Variants in PCDH15 observed in about 807,000 individuals in gnomAD.
PCDH15 encodes protocadherin related 15.
Under a neutral mutation model 178.5 loss-of-function variants are expected in PCDH15, and 129 were observed. The observed-to-expected ratio is 0.72, with a 90% CI of 0.63 to 0.84. PCDH15 has a LOEUF of 0.84. Among genes scored for constraint, PCDH15 ranks in the 40% least tolerant of loss-of-function variants. The pLI, the probability that PCDH15 is intolerant of heterozygous loss-of-function variation, is 0.00. For missense variants in PCDH15, 2,230 were observed against 2,099.9 expected (o/e 1.06, Z -1.21); for synonymous variants, 800 against 732.0 (o/e 1.09, Z -1.50).
Position 53,828,207 on chromosome 10 carries a change from C to CAAAAA in PCDH15, c.4211+353_4211+357dup, listed in dbSNP as rs71004480. ...GCCAACAAGAGCAAAAAGTCCGTCTCAAAAAAAAAAAAAAAAAAAAAAAAA... is the reference window on the plus strand; with the variant it reads ...GCCAACAAGAGCAAAAAGTCCGTCTCAAAAAAAAAAAAAAAAAAAAAAAAAAAAAA... On this transcript the variant is annotated intron_variant, in intron 31 of 37. Coordinates refer to ENST00000644397, the MANE Select transcript of PCDH15 (RefSeq NM_001384140.1). Among the ~76,000 whole-genome samples the CAAAAA allele has an allele frequency of 1.9e-3, 100 of 53,756 alleles. 1 individual carries two copies. The highest frequency in any genetic ancestry group is 6.6e-3 in the African/African-American group (92 of 13,876). The allele number at this position is 53,756 out of a possible 152,430, so 35.3% of individuals were successfully genotyped here.
intron 2 of PCDH15, among the ~76,000 whole-genome samples, chr10:54,899,290 T>A (rs947963236): frequency 6.6e-6 from 1 of 152,162 alleles, no homozygotes; most frequent in African/African-American, 2.4e-5. Flanking sequence ...TTTATCTTAA[T>A]ATTTCAAATT....
intron 2 of PCDH15, among the ~76,000 whole-genome samples, chr10:54,533,749 A>C (rs995969574): frequency 1.3e-5 from 2 of 152,170 alleles, no homozygotes; most frequent in African/African-American, 4.8e-5. Context: ...TAATCATTTA[A>C]TTTATTTGCT....
chr10:54,789,359 T>C (rs774936474), intron 1 of PCDH15, among the ~76,000 whole-genome samples: 1 of 151,922 alleles, frequency 6.6e-6, no homozygotes, highest in African/African-American at 2.4e-5. Flanking sequence ...CAGCTTATTC[T>C]TTCCTCCTGC....
Position 53,820,811 on chromosome 10 carries a change from C to T in PCDH15, c.4368-581G>A, listed in dbSNP as rs1044077199. 9.9e-5 allele frequency among the ~76,000 whole-genome samples: 15 copies of T among 152,066 alleles called. No individual in the cohort carries two copies. In the East Asian group the frequency reaches 2.5e-3, roughly 25 times the overall value. Reference sequence around the variant, plus strand: ...ACAATTGGAGCGCTAAGAACTATTACTACAACTACAGAAATCTCTTCCCAG... The same window carrying T: ...ACAATTGGAGCGCTAAGAACTATTATTACAACTACAGAAATCTCTTCCCAG... On this transcript the variant is annotated intron_variant, in intron 32 of 37. Transcript: ENST00000644397.
chr10:53,944,096 C>T (rs1434591933), intron 23 of PCDH15, among the ~76,000 whole-genome samples: 1 of 151,700 alleles, frequency 6.6e-6, no homozygotes, highest in Admixed American at 6.6e-5. Context: ...ATAAAATGGG[C>T]TGAATATAAA....
chr10:55,100,848 G>T (rs887675889), intron 2 of PCDH15, among the ~76,000 whole-genome samples: 2 of 152,046 alleles, frequency 1.3e-5, no homozygotes, highest in African/African-American at 4.8e-5. Flanking sequence ...TAGCATTAAA[G>T]TTCTCCCTTC....
intron 32 of PCDH15, chr10:53,822,342 AATGT>A: frequency 6.3e-7 from 1 of 1,590,108 alleles, no homozygotes; most frequent in African/African-American, 1.3e-5. Context: ...AAGTGGAAAA[AATGT>A]AGGAGGAGGA....
chr10:54,331,343 A>C (rs1939517988), intron 6 of PCDH15, among the ~76,000 whole-genome samples: 1 of 152,034 alleles, frequency 6.6e-6, no homozygotes, highest in Non-Finnish European at 1.5e-5. Context: ...CAGAATTAAT[A>C]TATATTTTTA....
intron 2 of PCDH15, among the ~76,000 whole-genome samples, chr10:55,397,076 G>T (rs1048232391): frequency 6.6e-6 from 1 of 152,128 alleles, no homozygotes; most frequent in African/African-American, 2.4e-5. Context: ...TTCAAAATGA[G>T]ACTGCTATGT....
intron 8 of PCDH15, among the ~76,000 whole-genome samples, chr10:54,268,623 G>T (rs2057848479): frequency 6.6e-6 from 1 of 151,838 alleles, no homozygotes; most frequent in African/African-American, 2.4e-5. Context: ...ACATGGATGT[G>T]CCTGGATGCC....
chr10:54,401,393 A>G (rs1485094190), intron 3 of PCDH15, among the ~76,000 whole-genome samples: 1 of 151,918 alleles, frequency 6.6e-6, no homozygotes, highest in East Asian at 1.9e-4. Context: ...GGTTAAGTAT[A>G]TTTTCAATGT....
chr10:54,181,398 C>G (rs938725385), intron 13 of PCDH15, among the ~76,000 whole-genome samples: 7 of 152,028 alleles, frequency 4.6e-5, no homozygotes, highest in African/African-American at 1.4e-4. Context: ...ATAATTTTAA[C>G]TTTTATTTCA....
At chr10:55,145,881 G>C (rs1243979266) in intron 2 of PCDH15, among the ~76,000 whole-genome samples, 2 of 151,246 alleles carry the variant, frequency 1.3e-5, no homozygotes, top group Non-Finnish European at 3.0e-5. Flanking sequence ...ACTCTTGACT[G>C]TAAGTCACCC....
At chr10:54,158,791 T>C (rs917380704) in intron 13 of PCDH15, among the ~76,000 whole-genome samples, 1 of 152,296 alleles carries the variant, frequency 6.6e-6, no homozygotes, top group South Asian at 2.1e-4. Context: ...GTATTTTATA[T>C]GAATAAATAT....
intron 1 of PCDH15, among the ~76,000 whole-genome samples, chr10:55,227,936 T>A (rs1841099838): frequency 6.6e-6 from 1 of 152,032 alleles, no homozygotes; most frequent in South Asian, 2.1e-4. Flanking sequence ...AGCCCCCCCA[T>A]CCCCAACTCC....
chr10:54,345,801 CAAAAAAAAAAAAAAAAAA>C (rs540507383), intron 6 of PCDH15, among the ~76,000 whole-genome samples: 8 of 52,464 alleles, frequency 1.5e-4, no homozygotes, highest in East Asian at 1.1e-3. Context: ...GACTCCGTCT[CAAAAAAAAAAAAAAAAAA>C]AAAAAAAAAA....
At chr10:54,347,767 T>C (rs1943536946) in intron 5 of PCDH15, among the ~76,000 whole-genome samples, 1 of 152,166 alleles carries the variant, frequency 6.6e-6, no homozygotes, top group African/African-American at 2.4e-5. Context: ...TCTTGGAATA[T>C]GGAGCCCATG....
intron 3 of PCDH15, among the ~76,000 whole-genome samples, chr10:54,821,617 C>A (rs926303454): frequency 6.6e-6 from 1 of 152,018 alleles, no homozygotes; most frequent in African/African-American, 2.4e-5. Context: ...GTAGTATTAT[C>A]TTTGACTACC....
chr10:54,690,817 C>T (rs1344909530), intron 1 of PCDH15, among the ~76,000 whole-genome samples: 2 of 151,920 alleles, frequency 1.3e-5, no homozygotes, highest in East Asian at 1.9e-4. Context: ...TTTATTATCT[C>T]AGTGTCCCTA....
Sources: gnomAD v4.1 joint callset for allele counts (sites outside exome capture counted in the v4.1 genomes callset) on GRCh38, gnomAD v4.1.1 for gene constraint, MANE v1.5 for transcripts, NCBI Gene and HGNC (gene_info 2026-07-23, HGNC 2026-07-21) for gene names.